PID1: variants seen among roughly 807,000 people sequenced by gnomAD.
The protein encoded by PID1 is phosphotyrosine interaction domain containing 1.
In PID1, 10 loss-of-function variants were observed where a neutral mutation model predicts 19.1. The observed-to-expected ratio is 0.52, with a 90% CI of 0.32 to 0.89. The LOEUF is 0.89. Among genes scored for constraint, PID1 ranks in the 40% least tolerant of loss-of-function variants. The pLI, the probability that PID1 is intolerant of heterozygous loss-of-function variation, is 0.03. For synonymous variants in PID1, 130 were observed against 116.0 expected, an observed-to-expected ratio of 1.12 and a Z score of -0.78; for missense variants, 248 against 285.3, an observed-to-expected ratio of 0.87 and a Z score of 0.94.
intron 2 of PID1, among the ~76,000 whole-genome samples, chr2:229,096,118 C>T (rs1017115): frequency 0.62 from 94,005 of 151,970 alleles, 31,809 homozygotes; most frequent in Non-Finnish European, 0.76. Context: ...TCTCTAATTG[C>T]CTATAAGCAA....
intron 1 of PID1, among the ~76,000 whole-genome samples, chr2:229,264,489 C>T (rs1481295183): frequency 6.6e-6 from 1 of 152,134 alleles, no homozygotes; most frequent in Non-Finnish European, 1.5e-5. Context: ...CCCCCAAGTC[C>T]CAGCCCAGCT....
chr2:229,243,149 G>C (rs1689918005), intron 1 of PID1, among the ~76,000 whole-genome samples: 1 of 152,140 alleles, frequency 6.6e-6, no homozygotes, highest in Non-Finnish European at 1.5e-5. Flanking sequence ...TTACATGGAT[G>C]GCAGCAGGCA....
chr2:229,140,188 A>C (rs1689982896), intron 2 of PID1, among the ~76,000 whole-genome samples: 1 of 152,196 alleles, frequency 6.6e-6, no homozygotes. Flanking sequence ...TTTTATCTTC[A>C]AAAATATGAA....
At chr2:229,145,526 T>G (rs1193253415) in intron 2 of PID1, among the ~76,000 whole-genome samples, 1 of 152,028 alleles carries the variant, frequency 6.6e-6, no homozygotes, top group African/African-American at 2.4e-5. Flanking sequence ...TTTTCAGAAC[T>G]AAACCAACAA....
intron 1 of PID1, among the ~76,000 whole-genome samples, chr2:229,192,400 AGTATCCGGATAAATT>A (rs1691279364): frequency 6.6e-6 from 1 of 152,190 alleles, no homozygotes; most frequent in African/African-American, 2.4e-5. Flanking sequence ...ACATATCAAG[AGTATCCGGATAAATT>A]GTACTGTAGA....
At chr2:229,149,883 T>A (rs963209380) in intron 2 of PID1, among the ~76,000 whole-genome samples, 1 of 151,886 alleles carries the variant, frequency 6.6e-6, no homozygotes, top group Non-Finnish European at 1.5e-5. Flanking sequence ...GGCTGCAGAA[T>A]CAAGACATGG....
chr2:229,102,946 A>G lies in PID1; in HGVS notation c.177+52872T>C, dbSNP rs73998549. ...CCAATCTTAGCAGCAACTTTATTCA[A>G]TCTCTCAGGACCAAGGAAGTTGACG... is the stretch of plus-strand genomic sequence containing the variant. On this transcript the variant is annotated intron_variant, in intron 2 of 2. Transcript: ENST00000392055. Among the ~76,000 whole-genome samples the G allele has an allele frequency of 3.0e-3, 451 of 152,240 alleles. 4 individuals are homozygous for G. The highest frequency in any genetic ancestry group is 0.01 in the African/African-American group (430 of 41,550).
intron 2 of PID1, among the ~76,000 whole-genome samples, chr2:229,108,644 A>G (rs1356449635): frequency 2.0e-5 from 3 of 152,214 alleles, no homozygotes; most frequent in Non-Finnish European, 1.5e-5. Context: ...GAACAACACA[A>G]GTAAAGGCAC....
intron 2 of PID1, among the ~76,000 whole-genome samples, chr2:229,026,434 T>C (rs977161728): frequency 1.3e-5 from 2 of 152,228 alleles, no homozygotes; most frequent in African/African-American, 4.8e-5. Context: ...TGGCATTCCT[T>C]TAACATCATA....
chr2:229,095,076 C>A (rs115348707), intron 2 of PID1, among the ~76,000 whole-genome samples: 1 of 152,136 alleles, frequency 6.6e-6, no homozygotes, highest in Admixed American at 6.6e-5. Context: ...GCTCCTGAGT[C>A]ACAGTCCCAC....
At chr2:229,116,571 A>C (rs1297561560) in intron 2 of PID1, among the ~76,000 whole-genome samples, 1 of 152,068 alleles carries the variant, frequency 6.6e-6, no homozygotes, top group Non-Finnish European at 1.5e-5. Flanking sequence ...GTAGTGAATA[A>C]GTCTCATGAG....
intron 2 of PID1, among the ~76,000 whole-genome samples, chr2:229,153,378 T>C (rs987532652): frequency 4.6e-5 from 7 of 152,236 alleles, no homozygotes; most frequent in Non-Finnish European, 8.8e-5. Flanking sequence ...CATGATTATC[T>C]ATGCCTGGAA....
At chr2:229,233,501 T>A (rs1692260922) in intron 1 of PID1, among the ~76,000 whole-genome samples, 1 of 151,794 alleles carries the variant, frequency 6.6e-6, no homozygotes, top group African/African-American at 2.4e-5. Context: ...TTTTTTTTTT[T>A]TTTTTTTTGA....
chr2:229,230,110 C>T (rs1397078114), intron 1 of PID1, among the ~76,000 whole-genome samples: 1 of 152,210 alleles, frequency 6.6e-6, no homozygotes, highest in African/African-American at 2.4e-5. Context: ...TGCTTATACA[C>T]TTCTCTAATT....
intron 2 of PID1, among the ~76,000 whole-genome samples, chr2:229,067,663 G>C (rs1168099243): frequency 6.6e-6 from 1 of 152,110 alleles, no homozygotes; most frequent in Non-Finnish European, 1.5e-5. Flanking sequence ...TCGCCAGTGA[G>C]AGAGCTCTAA....
chr2:229,144,541 G>A (rs1690086716), intron 2 of PID1, among the ~76,000 whole-genome samples: 1 of 152,164 alleles, frequency 6.6e-6, no homozygotes, highest in Admixed American at 6.6e-5. Flanking sequence ...ATGCTGCACT[G>A]ATGGGCCCTT....
intron 2 of PID1, among the ~76,000 whole-genome samples, chr2:229,113,586 GTA>G: frequency 1.1e-5 from 1 of 87,146 alleles, no homozygotes; most frequent in African/African-American, 3.8e-5. Flanking sequence ...GTGTATGTGT[GTA>G]TGCATATATG....
intron 2 of PID1, among the ~76,000 whole-genome samples, chr2:229,026,886 G>A (rs1211593663): frequency 6.6e-6 from 1 of 152,086 alleles, no homozygotes; most frequent in African/African-American, 2.4e-5. Flanking sequence ...TTAAAAGCGT[G>A]TTTATAATAT....
chr2:229,040,349 T>TA (rs899976982), intron 2 of PID1, among the ~76,000 whole-genome samples: 52 of 142,990 alleles, frequency 3.6e-4, no homozygotes, highest in African/African-American at 1.3e-3. Context: ...ACAAACAAAG[T>TA]AAAAAAAATT....
Sources: allele counts gnomAD v4.1 joint callset (sites outside exome capture counted in the v4.1 genomes callset), GRCh38; gene constraint gnomAD v4.1.1; transcripts MANE v1.5; gene names NCBI Gene and HGNC (gene_info 2026-07-23, HGNC 2026-07-21).